RNF213: variants seen among roughly 807,000 people sequenced by gnomAD.
RNF213 encodes the protein ring finger protein 213.
Under a neutral mutation model 514.4 loss-of-function variants are expected in RNF213, and 341 were observed. The observed-to-expected ratio is 0.66, with a 90% confidence interval of 0.61 to 0.73. RNF213 has a LOEUF of 0.73. Among genes scored for constraint, RNF213 ranks in the 30% least tolerant of loss-of-function variants. The pLI is 0.00. For synonymous variants in RNF213, 2,655 were observed against 2,658.2 expected, an observed-to-expected ratio of 1.00 and a Z score of 0.04; for missense variants, 5,767 against 6,615.6, an observed-to-expected ratio of 0.87 and a Z score of 4.45.
At chr17:80,303,983 A>G (rs976141669) in intron 11 of RNF213, among the ~76,000 whole-genome samples, 4 of 150,122 alleles carry the variant, frequency 2.7e-5, no homozygotes, top group African/African-American at 9.8e-5. Flanking sequence ...AAGAGAGAAA[A>G]CAGTCAATAT....
Position 80,377,069 on chromosome 17 carries a change from A to C in RNF213, c.13510+106A>C. On this transcript the variant is annotated intron_variant, in intron 53 of 67. Coordinates refer to ENST00000582970, the MANE Select transcript of RNF213 (RefSeq NM_001256071.3). The surrounding 1 kb of genome is among the most constrained non-coding windows in gnomAD (Gnocchi z 4.1). Reference sequence around the variant, plus strand: ...TTGGGGTCCACGTGGTTTGTGCCTCAGGGTCCAAAACCACCTGCATTCTAC... The same window carrying C: ...TTGGGGTCCACGTGGTTTGTGCCTCCGGGTCCAAAACCACCTGCATTCTAC... 6 of 875,848 alleles carry C rather than the reference A, an allele frequency of 6.9e-6. No individual in the cohort carries two copies. In the Admixed American group the frequency reaches 1.2e-4, roughly 17 times the overall value. 54.3% of individuals were successfully genotyped at this position (875,848 alleles called of 1,614,324 possible).
intron 48 of RNF213, 113 bp downstream of exon 48, chr17:80,372,847 C>T: frequency 1.5e-6 from 2 of 1,359,626 alleles, no homozygotes; most frequent in Non-Finnish European, 2.1e-6. Flanking sequence ...TTTTCTACAT[C>T]CCCTCTCCCC....
chr17:80,373,245 TCACACCCTACCCCCCC>T, intron 49 of RNF213, 80 bp downstream of exon 49: 1 of 1,042,594 alleles, frequency 9.6e-7, no homozygotes, highest in Non-Finnish European at 1.3e-6. Flanking sequence ...CCCCCTACCC[TCACACCCTACCCCCCC>T]CACACCCCAC....
At chr17:80,364,285 A>G (rs577630509) in intron 41 of RNF213, 148 bp from the exon 42 acceptor site, 13 of 1,048,352 alleles carry the variant, frequency 1.2e-5, no homozygotes, top group Middle Eastern at 3.0e-4. Context: ...CGGGCCAGGA[A>G]GTATGTCACA....
chr17:80,374,927 C>T (rs1276066435), intron 50 of RNF213: 1 of 342,248 alleles, frequency 2.9e-6, no homozygotes, highest in Non-Finnish European at 5.7e-6. Context: ...GCTGACACAA[C>T]TATTAATAGC....
chr17:80,388,360 G>T (rs763813630), intron 63 of RNF213, among the ~76,000 whole-genome samples: 8 of 152,342 alleles, frequency 5.3e-5, no homozygotes, highest in South Asian at 2.1e-4. Flanking sequence ...CGCCTCCTGT[G>T]GCGAAGCAGG....
rs138629029 is a variant in RNF213, at chr17:80,288,313, G to C, written c.760G>C (p.Gly254Arg). The C allele has an allele frequency of 6.2e-7, 1 of 1,612,812 alleles. No homozygotes were observed. Among genetic ancestry groups the C allele is most frequent in the Admixed American group, 1.7e-5 (1 of 59,990 alleles). The change falls in exon 4 of 68, where the codon GGG (glycine) becomes CGG (arginine). Residue 254 changes from glycine to arginine, a missense_variant. Coordinates refer to ENST00000582970, the MANE Select transcript of RNF213 (RefSeq NM_001256071.3). The surrounding 1 kb of genome is among the most constrained non-coding windows in gnomAD (Gnocchi z 4.9). ...GTCAAAAGGAGGCAGCTCTGAGCCC[G>C]GGACAGAACTGCAGACCACCGAGCA... Reference protein sequence around the residue: ...PESKGGSSEPGTELQTTEQQA... With the variant: ...PESKGGSSEPRTELQTTEQQA...
intron 28 of RNF213, 78 bp downstream of exon 28, chr17:80,344,093 G>A (rs1020851215): frequency 1.6e-5 from 24 of 1,477,164 alleles, no homozygotes; most frequent in Non-Finnish European, 1.7e-5. Context: ...GGAATGGCGC[G>A]TTTAGGAGAC....
At chr17:80,326,711 A>G (rs2046291185) in intron 18 of RNF213, among the ~76,000 whole-genome samples, 2 of 152,138 alleles carry the variant, frequency 1.3e-5, no homozygotes, top group African/African-American at 4.8e-5. Context: ...TGTTTCCTCC[A>G]TGTCTTTTCA....
chr17:80,347,259 C>T lies in RNF213; in HGVS notation c.8924C>T (p.Ser2975Phe), dbSNP rs750410756. ...AAAKASNRKP[S>F]PQDIAQAVLR... ...GCAAAGGCTTCAAATAGAAAGCCTT[C>T]CCCGCAAGACATTGCACAGGCTGTC... Residue 2975 changes from serine (S) to phenylalanine (F), a missense_variant, in exon 29 of 68, where the codon TCC (serine) becomes TTC (phenylalanine). Around this residue, in one of 13 missense-constraint regions of RNF213, gnomAD observed 919 missense variants for 1,121.0 expected, o/e 0.82. Coordinates refer to ENST00000582970, the MANE Select transcript of RNF213 (RefSeq NM_001256071.3). This position sits in a 1 kb window ranked among gnomAD's most constrained non-coding sequence, Gnocchi z 7.2. The T allele has an allele frequency of 8.1e-6, 13 of 1,613,398 alleles. No homozygotes were observed. In the South Asian group the frequency reaches 1.3e-4, roughly 16 times the overall value.
At chr17:80,302,969 A>C (rs191258719) in intron 11 of RNF213, among the ~76,000 whole-genome samples, 1 of 152,326 alleles carries the variant, frequency 6.6e-6, no homozygotes, top group African/African-American at 2.4e-5. Flanking sequence ...CTTCTAAGCA[A>C]AATAGATTAA....
chr17:80,308,511 G>A lies in RNF213; in HGVS notation c.2502-507G>A, dbSNP rs537536451. Among the ~76,000 whole-genome samples, 253 of 151,630 alleles carry A rather than the reference G, an allele frequency of 1.7e-3. 1 individual carries two copies. The highest frequency in any genetic ancestry group is 0.014 in the Middle Eastern group (4 of 294). ...AAGTCCCCTCCTGAGTCCCTCCTAAGGCTCCTCCCGAGTCCCTACCGAGTC... is the reference window on the plus strand; with the variant it reads ...AAGTCCCCTCCTGAGTCCCTCCTAAAGCTCCTCCCGAGTCCCTACCGAGTC... On this transcript the variant is annotated intron_variant, in intron 13 of 67. Transcript: ENST00000582970.
intron 42 of RNF213, among the ~76,000 whole-genome samples, chr17:80,366,088 G>C (rs997273187): frequency 6.6e-6 from 1 of 152,234 alleles, no homozygotes; most frequent in Non-Finnish European, 1.5e-5. Flanking sequence ...CCCAGCCCCC[G>C]CTGAAGAGCA....
rs1027029201 is a variant in RNF213, at chr17:80,319,559, C to T, written c.3024+247C>T. Reference sequence around the variant, plus strand: ...GCATGTGTTCCATATGGAATCACGGCCGTGCGCGTGTGGCACAAGTCACAC... The same window carrying T: ...GCATGTGTTCCATATGGAATCACGGTCGTGCGCGTGTGGCACAAGTCACAC... On this transcript the variant is annotated intron_variant, in intron 17 of 67. Coordinates refer to ENST00000582970, the MANE Select transcript of RNF213 (RefSeq NM_001256071.3). The T allele has an allele frequency of 6.9e-6, 11 of 1,605,376 alleles. No individual in the cohort carries two copies. In the African/African-American group the frequency reaches 1.3e-4, roughly 20 times the overall value.
Position 80,350,363 on chromosome 17 carries a change from G to A in RNF213, c.10151G>A (p.Gly3384Glu). ...ATTTTTCAGACAGATTTTGAAGATG[G>A]AATCCGTAGCGCCCAGCTCATTGCC... ...ILIFQTDFED[G>E]IRSAQLIASA... The change falls in exon 31 of 68, where the codon GGA becomes GAA. Residue 3384 changes from glycine (G) to glutamate (E), a missense_variant. Around this residue, in one of 13 missense-constraint regions of RNF213, gnomAD observed 919 missense variants for 1,121.0 expected, o/e 0.82. Coordinates refer to ENST00000582970, the MANE Select transcript of RNF213 (RefSeq NM_001256071.3). 2 of 1,611,994 alleles carry A rather than the reference G, an allele frequency of 1.2e-6. No individual in the cohort carries two copies. Among genetic ancestry groups the A allele is most frequent in the South Asian group, 1.1e-5 (1 of 91,044 alleles).
At chr17:80,320,970 G>C (rs2046120401) in intron 17 of RNF213, 1 of 152,258 alleles carries the variant, frequency 6.6e-6, no homozygotes, top group Admixed American at 6.5e-5. Flanking sequence ...CTGGGGGACA[G>C]AGCAAGACCC....
In RNF213 at chr17:80,295,898, A is replaced by G. The variant is rs1461871194; in HGVS notation, c.2012+85A>G. On this transcript the variant is annotated intron_variant, in intron 10 of 67. Coordinates refer to ENST00000582970, the MANE Select transcript of RNF213 (RefSeq NM_001256071.3). ...CAAAAATAAGTGCTTGACTAGAGTGACTGAAAGCACACAGGCAAGAAATAA... is the reference window on the plus strand; with the variant it reads ...CAAAAATAAGTGCTTGACTAGAGTGGCTGAAAGCACACAGGCAAGAAATAA... 8.1e-6 allele frequency: 12 copies of G among 1,480,754 alleles called. No homozygotes were observed. In the East Asian group the frequency reaches 2.7e-4, roughly 34 times the overall value. 91.7% of individuals were successfully genotyped at this position (1,480,754 alleles called of 1,614,324 possible).
At chr17:80,286,902 C>T (rs1445254663) in intron 3 of RNF213, among the ~76,000 whole-genome samples, 5 of 152,168 alleles carry the variant, frequency 3.3e-5, no homozygotes, top group East Asian at 1.9e-4. Context: ...AAATGGGGAC[C>T]GTACACCTGA....
At position 80,319,192 on chromosome 17, in the gene RNF213, G is replaced by A; in HGVS notation, c.2904G>A (p.Glu968=). The change falls in exon 17 of 68, where the codon GAG becomes GAA. Residue 968 remains glutamate, a splice_region_variant and synonymous_variant. Transcript: ENST00000582970. The part of the protein sequence containing the change: ...LGDMEWRLTK[E]EPLSQITAYC... Reference sequence around the variant, plus strand: ...CCACCCCCCTTTGATTTTTGCAGGAGGAACCCCTCTCCCAGATCACTGCCT... The same window carrying A: ...CCACCCCCCTTTGATTTTTGCAGGAAGAACCCCTCTCCCAGATCACTGCCT... The A allele has an allele frequency of 6.2e-7, 1 of 1,614,136 alleles. No homozygotes were observed.
Sources: gnomAD v4.1 joint callset for allele counts (sites outside exome capture counted in the v4.1 genomes callset) on GRCh38, gnomAD v4.1.1 for gene constraint, gnomAD v4.1.1 regional missense constraint, Gnocchi (gnomAD v3.1) non-coding constraint, MANE v1.5 for transcripts, NCBI Gene and HGNC (gene_info 2026-07-23, HGNC 2026-07-21) for gene names.